Variants in CFAP206 observed in about 807,000 individuals in gnomAD.
CFAP206 encodes cilia and flagella associated protein 206.
Under a neutral mutation model 65.4 loss-of-function variants are expected in CFAP206, and 53 were observed. The ratio of observed to expected loss-of-function variants is 0.81; its 90% CI spans 0.65 to 1.02. CFAP206 has a LOEUF of 1.02. Ranked by LOEUF, CFAP206 falls within the 50% of genes least tolerant of loss-of-function variation. CFAP206 has a pLI of 0.00. For missense variants in CFAP206, 663 were observed against 753.2 expected, an observed-to-expected ratio of 0.88 and a Z score of 1.40; for synonymous variants, 250 against 254.4, an observed-to-expected ratio of 0.98 and a Z score of 0.17.
rs1461331002 is a variant in CFAP206 at position 87,463,978 on chromosome 6, T to C, written c.1639-42T>C. The stretch of plus-strand genomic sequence containing the variant: ...TCTGATAATATTTTATGTTATTTGT[T>C]CTTTAGAGAAATGTTAATTCCTGTA... On this transcript the variant is annotated intron_variant, in intron 12 of 12. Coordinates refer to ENST00000369562, the MANE Select transcript of CFAP206 (RefSeq NM_001031743.3). 3 of 1,494,362 alleles carry C rather than the reference T, an allele frequency of 2.0e-6. No homozygotes were observed. In the African/African-American group the frequency reaches 4.1e-5, roughly 21 times the overall value. 92.6% of individuals were successfully genotyped at this position (1,494,362 alleles called of 1,614,324 possible). A position where few individuals can be genotyped will look rare whatever the true frequency, so the allele number is the denominator to read the frequency against.
chr6:87,428,951 C>T, intron 9 of CFAP206, 127 bp downstream of exon 9: 1 of 954,702 alleles, frequency 1.0e-6, no homozygotes, highest in African/African-American at 1.6e-5. Context: ...TTATAAAGTA[C>T]TAATGAGGGC....
chr6:87,435,072 T>C lies in CFAP206; in HGVS notation c.1494+19T>C, dbSNP rs773858299. The C allele has an allele frequency of 6.7e-7, 1 of 1,486,098 alleles. No individual in the cohort carries two copies. Among genetic ancestry groups the C allele is most frequent in the South Asian group, 1.2e-5 (1 of 81,210 alleles). The allele number at this position is 1,486,098 out of a possible 1,614,324, so 92.1% of individuals were successfully genotyped here. ...TTCTCAGGTAAGCAGGGTCAATATT[T>C]TATGAATTTATGACATTTAAAAATA... On this transcript the variant is annotated intron_variant, in intron 11 of 12. Coordinates refer to ENST00000369562, the MANE Select transcript of CFAP206 (RefSeq NM_001031743.3).
At chr6:87,452,232 G>A (rs1768559561) in intron 11 of CFAP206, among the ~76,000 whole-genome samples, 1 of 152,242 alleles carries the variant, frequency 6.6e-6, no homozygotes, top group Non-Finnish European at 1.5e-5. Context: ...GTACCTCTGC[G>A]AGTCTGCAAC....
chr6:87,434,853 T>C lies in CFAP206; in HGVS notation c.1301-7T>C. 7.7e-7 allele frequency: 1 copy of C among 1,300,720 alleles called. No homozygotes were observed. Among genetic ancestry groups the C allele is most frequent in the Non-Finnish European group, 1.1e-6 (1 of 936,344 alleles). 80.6% of individuals were successfully genotyped at this position (1,300,720 alleles called of 1,614,324 possible). ...CATTTCATATCTAATTCTTTTTTTA[T>C]TTTCAGGAAATCCAGCAATTGGAAT... On this transcript the variant is annotated splice_region_variant and splice_polypyrimidine_tract_variant and intron_variant, in intron 10 of 12. Transcript: ENST00000369562.
At chr6:87,455,121 C>A (rs922654674) in intron 11 of CFAP206, among the ~76,000 whole-genome samples, 4 of 151,752 alleles carry the variant, frequency 2.6e-5, no homozygotes, top group African/African-American at 9.7e-5. Flanking sequence ...TGGGTTTCAC[C>A]ATGTTGGCCG....
intron 4 of CFAP206, among the ~76,000 whole-genome samples, chr6:87,414,511 T>A (rs1013258303): frequency 6.6e-6 from 1 of 152,164 alleles, no homozygotes; most frequent in African/African-American, 2.4e-5. Context: ...TTGCCCAGGC[T>A]GGTGTCGAAA....
At chr6:87,432,108 G>A (rs751480764) in intron 10 of CFAP206, among the ~76,000 whole-genome samples, 1 of 152,054 alleles carries the variant, frequency 6.6e-6, no homozygotes, top group African/African-American at 2.4e-5. Flanking sequence ...ACAAGATTGT[G>A]TCTTAATTTA....
intron 10 of CFAP206, among the ~76,000 whole-genome samples, chr6:87,434,109 A>AT (rs397801649): frequency 6.7e-6 from 1 of 148,244 alleles, no homozygotes; most frequent in Non-Finnish European, 1.5e-5. Flanking sequence ...CAAAAAAAAA[A>AT]GGAGTGGAAG....
rs144349506 is a variant in CFAP206, at chr6:87,459,876, C to A, written c.1495-1146C>A. Among the ~76,000 whole-genome samples the A allele has an allele frequency of 6.8e-3, 1,039 of 152,220 alleles. 9 individuals are homozygous for A. The highest frequency in any genetic ancestry group is 8.9e-3 in the Non-Finnish European group (607 of 67,990). On this transcript the variant is annotated intron_variant, in intron 11 of 12. Transcript: ENST00000369562. ...CCTATACACCTGGTCTTGTTTTTTC[C>A]TGTCTTTCTGGATATTTAATTCCCA...
chr6:87,424,938 A>G (rs1398992830), intron 7 of CFAP206, among the ~76,000 whole-genome samples: 1 of 152,228 alleles, frequency 6.6e-6, no homozygotes, highest in African/African-American at 2.4e-5. Flanking sequence ...TTCCATAGCC[A>G]TATATGTTTT....
intron 3 of CFAP206, among the ~76,000 whole-genome samples, chr6:87,411,382 ATTTG>A (rs1271392060): frequency 6.6e-6 from 1 of 151,992 alleles, no homozygotes; most frequent in Non-Finnish European, 1.5e-5. Flanking sequence ...TAATGGGGTT[ATTTG>A]TTGTTGTCGA....
intron 4 of CFAP206, among the ~76,000 whole-genome samples, 180 bp downstream of exon 4, chr6:87,414,080 T>G (rs112448795): frequency 2.0e-5 from 3 of 152,194 alleles, no homozygotes; most frequent in African/African-American, 7.2e-5. Context: ...CATTGGCCTT[T>G]GTGAGTGTTA....
chr6:87,463,444 A>G (rs558607958), intron 12 of CFAP206, among the ~76,000 whole-genome samples: 135 of 152,156 alleles, frequency 8.9e-4, no homozygotes, highest in Non-Finnish European at 1.7e-3. Flanking sequence ...GGCTTTTACT[A>G]TAAGTGCAGC....
intron 11 of CFAP206, chr6:87,444,961 A>C (rs939159578): frequency 1.1e-5 from 6 of 527,968 alleles, no homozygotes; most frequent in African/African-American, 1.9e-5. Flanking sequence ...CTCTGTTACA[A>C]TATCAGATGG....
chr6:87,462,185 G>A (rs1239841477), intron 12 of CFAP206, among the ~76,000 whole-genome samples: 6 of 152,156 alleles, frequency 3.9e-5, no homozygotes, highest in Non-Finnish European at 7.3e-5. Context: ...AAGTCAAAGA[G>A]TTCTATTGTC....
chr6:87,411,373 A>G (rs1036679903), intron 3 of CFAP206, among the ~76,000 whole-genome samples: 16 of 151,970 alleles, frequency 1.1e-4, no homozygotes, highest in Admixed American at 9.2e-4. Flanking sequence ...CCCACTTTAT[A>G]ATGGGGTTAT....
chr6:87,415,576 T>A lies in CFAP206; in HGVS notation c.284-110T>A, dbSNP rs781264808. On this transcript the variant is annotated intron_variant, in intron 4 of 12. Transcript: ENST00000369562. ...TCATTATTACAGCTTAAGAAATTAC[T>A]TGTTTTCCTGAAGTAGAATTGCCAT... 4 of 974,516 alleles carry A rather than the reference T, an allele frequency of 4.1e-6. No individual in the cohort carries two copies. The Admixed American group carries it at 7.5e-5, about 18-fold the overall frequency. 60.4% of individuals were successfully genotyped at this position (974,516 alleles called of 1,614,324 possible). A position where few individuals can be genotyped will look rare whatever the true frequency, so the allele number is the denominator to read the frequency against.
At position 87,408,064 on chromosome 6, in the gene CFAP206, G is replaced by C; in HGVS notation, c.-31G>C. The stretch of plus-strand genomic sequence containing the variant: ...CCCCAGGACAGAAGCAGACAGACAC[G>C]GCTCCTGCTGTCGATTCCGATCCAG... On this transcript the variant is annotated 5_prime_UTR_variant, in exon 1 of 13. Coordinates refer to ENST00000369562, the MANE Select transcript of CFAP206 (RefSeq NM_001031743.3). The C allele has an allele frequency of 1.0e-6, 1 of 985,396 alleles. No homozygotes were observed. The highest frequency in any genetic ancestry group is 1.2e-6 in the Non-Finnish European group (1 of 829,934). The allele number at this position is 985,396 out of a possible 1,614,324, so 61.0% of individuals were successfully genotyped here.
At chr6:87,438,644 A>C (rs1475300326) in intron 11 of CFAP206, among the ~76,000 whole-genome samples, 2 of 151,856 alleles carry the variant, frequency 1.3e-5, no homozygotes, top group East Asian at 3.9e-4. Context: ...CCCTTCCTTC[A>C]TGGCCGATTT....
Sources: allele counts gnomAD v4.1 joint callset (sites outside exome capture counted in the v4.1 genomes callset), GRCh38; gene constraint gnomAD v4.1.1; transcripts MANE v1.5; gene names NCBI Gene and HGNC (gene_info 2026-07-23, HGNC 2026-07-21).